The following PTK2 variants were observed in gnomAD, a reference collection of about 807,000 sequenced individuals.
The protein encoded by PTK2 is focal adhesion kinase 1.
Under a neutral mutation model 150.1 loss-of-function variants are expected in PTK2, and 45 were observed. The observed-to-expected ratio is 0.30, with a 90% CI of 0.24 to 0.38. PTK2 has a LOEUF of 0.38. Ranked by LOEUF, PTK2 falls within the 10% of genes least tolerant of loss-of-function variation. PTK2 has a pLI of 1.00. For missense variants in PTK2, 919 were observed against 1,307.3 expected (o/e 0.70, Z 4.58); for synonymous variants, 432 against 449.2 (o/e 0.96, Z 0.48).
chr8:140,708,695 T>A (rs1200678355), intron 23 of PTK2, among the ~76,000 whole-genome samples: 1 of 152,208 alleles, frequency 6.6e-6, no homozygotes, highest in Non-Finnish European at 1.5e-5. Context: ...TTCTAGGCTT[T>A]TCTCTACTGT....
At position 140,669,718 on chromosome 8, in the gene PTK2, T is replaced by A. The variant is rs10283368; in HGVS notation, c.2710-1294A>T. The A allele has an allele frequency of 1.3e-6, 2 of 1,532,574 alleles. No individual in the cohort carries two copies. The highest frequency in any genetic ancestry group is 2.0e-5 in the Admixed American group (1 of 50,918). The allele number at this position is 1,532,574 out of a possible 1,614,324, so 94.9% of individuals were successfully genotyped here. A position where few individuals can be genotyped will look rare whatever the true frequency, so the allele number is the denominator to read the frequency against. On this transcript the variant is annotated intron_variant, in intron 29 of 31. Coordinates refer to ENST00000522684, the Ensembl canonical transcript of PTK2. ...GCTGGACAGACACACAAAGACACGATGTGCTTACCCTCCATGGCTATTGTC... is the reference window on the plus strand; with the variant it reads ...GCTGGACAGACACACAAAGACACGAAGTGCTTACCCTCCATGGCTATTGTC...
At chr8:140,695,124 T>C (rs188054441) in intron 26 of PTK2, among the ~76,000 whole-genome samples, 1 of 152,374 alleles carries the variant, frequency 6.6e-6, no homozygotes, top group Non-Finnish European at 1.5e-5. Flanking sequence ...TTCCCTGACA[T>C]GGACTCCTCA....
In PTK2 at chr8:140,771,198, A is replaced by G. The variant is rs1001884818; in HGVS notation, c.1178-6908T>C. 2.6e-5 allele frequency: 4 copies of G among 153,398 alleles called. No individual in the cohort carries two copies. The South Asian group carries it at 8.2e-4, about 31-fold the overall frequency. The allele number at this position is 153,398 out of a possible 1,614,324, so 9.5% of individuals were successfully genotyped here. On this transcript the variant is annotated intron_variant, in intron 14 of 31. Coordinates refer to ENST00000522684, the Ensembl canonical transcript of PTK2. Reference sequence around the variant, plus strand: ...AAAAATAGCAGATCTTCATTTGTGAAAGAGTTTTACGAACAACTTTCCCCA... The same window carrying G: ...AAAAATAGCAGATCTTCATTTGTGAGAGAGTTTTACGAACAACTTTCCCCA...
At chr8:140,917,684 T>G (rs1421544603) in intron 2 of PTK2, among the ~76,000 whole-genome samples, 1 of 152,264 alleles carries the variant, frequency 6.6e-6, no homozygotes, top group East Asian at 1.9e-4. Context: ...TACAAAGAAT[T>G]TATTCATTCA....
intron 1 of PTK2, among the ~76,000 whole-genome samples, chr8:140,946,583 C>T (rs1342989681): frequency 6.6e-6 from 1 of 152,166 alleles, no homozygotes; most frequent in Non-Finnish European, 1.5e-5. Flanking sequence ...AGATGGAAGA[C>T]CGGACAGGAG....
At chr8:140,802,854 C>A (rs1428018671) in intron 11 of PTK2, among the ~76,000 whole-genome samples, 1 of 151,966 alleles carries the variant, frequency 6.6e-6, no homozygotes, top group African/African-American at 2.4e-5. Context: ...TAGGCTACAA[C>A]CATCTTAGGT....
intron 21 of PTK2, among the ~76,000 whole-genome samples, chr8:140,738,627 C>T (rs563207443): frequency 6.6e-6 from 1 of 152,084 alleles, no homozygotes; most frequent in Non-Finnish European, 1.5e-5. Flanking sequence ...TAGATACTTC[C>T]GGGTTGGAGG....
intron 14 of PTK2, among the ~76,000 whole-genome samples, chr8:140,778,156 G>T (rs1192223549): frequency 6.6e-6 from 1 of 152,158 alleles, no homozygotes; most frequent in Non-Finnish European, 1.5e-5. Context: ...AGTGATAGAG[G>T]GTAGACTGGT....
At position 140,852,259 on chromosome 8, in the gene PTK2, G is replaced by A. The variant is rs143367169; in HGVS notation, c.451-5581C>T. On this transcript the variant is annotated intron_variant, in intron 5 of 31. Transcript: ENST00000522684. Reference sequence around the variant, plus strand: ...CTGTTGGTAGGTACAACAGATTAACGACAGTTAAATATAACGTATAAACAA... The same window carrying A: ...CTGTTGGTAGGTACAACAGATTAACAACAGTTAAATATAACGTATAAACAA... Among the ~76,000 whole-genome samples the A allele has an allele frequency of 4.5e-4, 68 of 152,294 alleles. No homozygotes were observed. The East Asian group carries it at 7.9e-3, about 18-fold the overall frequency.
chr8:140,779,299 C>A (rs113249247), intron 14 of PTK2, among the ~76,000 whole-genome samples: 6 of 150,798 alleles, frequency 4.0e-5, no homozygotes, highest in African/African-American at 1.5e-4. Flanking sequence ...GAATTGCCTA[C>A]CATGAATATT....
chr8:140,702,666 A>C, exon 25 of PTK2: 1 of 1,614,092 alleles, frequency 6.2e-7, no homozygotes, highest in South Asian at 1.1e-5. Flanking sequence ...AGATGCTGCC[A>C]GCCATGGCTG....
chr8:140,700,780 T>C, intron 26 of PTK2, 111 bp downstream of exon 29: 1 of 1,405,498 alleles, frequency 7.1e-7, no homozygotes, highest in Non-Finnish European at 9.6e-7. Context: ...TAAGAAGTAG[T>C]TGTAAAACTA....
chr8:140,860,769 C>T (rs1279043043), intron 5 of PTK2, among the ~76,000 whole-genome samples: 1 of 152,168 alleles, frequency 6.6e-6, no homozygotes, highest in Non-Finnish European at 1.5e-5. Flanking sequence ...CCACCGCACC[C>T]AGACAATCAT....
rs527308454 is a variant in PTK2, at chr8:140,827,238, T to C, written c.648+3234A>G. Among the ~76,000 whole-genome samples, 124 of 152,236 alleles carry C rather than the reference T, an allele frequency of 8.1e-4. 1 individual carries two copies. The highest frequency in any genetic ancestry group is 2.6e-3 in the African/African-American group (109 of 41,544). ...AGTGACTGCCCACAATGATCCCATA[T>C]TGACTCTACTCAACCAAAACCCCCT... is the stretch of plus-strand genomic sequence containing the variant. On this transcript the variant is annotated intron_variant, in intron 8 of 31. Coordinates refer to ENST00000522684, the Ensembl canonical transcript of PTK2.
chr8:140,815,023 C>T (rs2100103842), intron 10 of PTK2, among the ~76,000 whole-genome samples: 1 of 152,112 alleles, frequency 6.6e-6, no homozygotes, highest in South Asian at 2.1e-4. Flanking sequence ...ATCCGCCCAC[C>T]TTGGCCTCCC....
At chr8:140,875,138 A>G (rs2100144774) in intron 4 of PTK2, among the ~76,000 whole-genome samples, 1 of 152,180 alleles carries the variant, frequency 6.6e-6, no homozygotes, top group Non-Finnish European at 1.5e-5. Flanking sequence ...ACATTCAAGC[A>G]CATTCCTGGA....
At chr8:140,747,431 G>C (rs1237398301) in intron 17 of PTK2, among the ~76,000 whole-genome samples, 4 of 75,560 alleles carry the variant, frequency 5.3e-5, no homozygotes, top group Non-Finnish European at 1.1e-4. Flanking sequence ...AGGGGAGGAG[G>C]AGGAGAAGAA....
intron 22 of PTK2, 190 bp from the exon 26 acceptor site, chr8:140,717,899 C>T: frequency 2.0e-6 from 1 of 489,332 alleles, no homozygotes; most frequent in Non-Finnish European, 3.7e-6. Context: ...TAGCCTTGGT[C>T]CAAATGGGCA....
chr8:140,800,343 T>C (rs565717899), intron 12 of PTK2, 116 bp downstream of exon 12: 39 of 849,574 alleles, frequency 4.6e-5, no homozygotes, highest in Admixed American at 3.6e-4. Flanking sequence ...AGCTGAATTA[T>C]TCATTTGGTC....
Sources: gnomAD v4.1 joint callset for allele counts (sites outside exome capture counted in the v4.1 genomes callset) on GRCh38, gnomAD v4.1.1 for gene constraint, MANE v1.5 for transcripts, NCBI Gene and HGNC (gene_info 2026-07-23, HGNC 2026-07-21) for gene names.